Variants in MAST4 observed in about 807,000 individuals in gnomAD.
MAST4 encodes microtubule-associated serine/threonine-protein kinase 4.
MAST4 carries 89 observed loss-of-function variants against 162.7 expected under a neutral mutation model. The observed-to-expected ratio is 0.55, with a 90% CI of 0.46 to 0.65. The LOEUF is 0.65. MAST4 is among the 30% of genes least tolerant of loss of function. The pLI is 0.00. For missense variants in MAST4, 3,153 were observed against 3,374.0 expected, an observed-to-expected ratio of 0.93 and a Z score of 1.62; for synonymous variants, 1,479 against 1,361.1, an observed-to-expected ratio of 1.09 and a Z score of -1.91.
At chr5:66,908,966 C>G (rs71626461) in intron 4 of MAST4, among the ~76,000 whole-genome samples, 1,789 of 152,232 alleles carry the variant, frequency 0.012, 30 homozygotes, top group South Asian at 0.053. Context: ...TATGACAGTA[C>G]CTGGCATACA....
At chr5:66,994,254 AAACTTTTACCCAATTTTCTTTTATTTTCC>A (rs1750383121) in intron 4 of MAST4, among the ~76,000 whole-genome samples, 1 of 152,078 alleles carries the variant, frequency 6.6e-6, no homozygotes. Flanking sequence ...TACAGAGTGA[AAACTTTTACCCAATTTTCTTTTATTTTCC>A]AATTTTCCAA....
At chr5:66,736,673 A>G (rs1368636974) in intron 1 of MAST4, among the ~76,000 whole-genome samples, 2 of 152,238 alleles carry the variant, frequency 1.3e-5, no homozygotes, top group African/African-American at 4.8e-5. Context: ...ATTCAGGTAC[A>G]GTTAACAGTG....
At chr5:66,903,451 TG>T (rs1763140695) in intron 4 of MAST4, among the ~76,000 whole-genome samples, 1 of 151,864 alleles carries the variant, frequency 6.6e-6, no homozygotes, top group African/African-American at 2.4e-5. Flanking sequence ...TGTGTGTGTG[TG>T]TGTGTGTGTG....
At chr5:66,676,064 C>G (rs1317416072) in intron 1 of MAST4, among the ~76,000 whole-genome samples, 1 of 152,200 alleles carries the variant, frequency 6.6e-6, no homozygotes, top group Non-Finnish European at 1.5e-5. Flanking sequence ...GATTTTTGGA[C>G]ACACTCAAGA....
intron 4 of MAST4, among the ~76,000 whole-genome samples, chr5:66,942,801 T>C (rs2150108101): frequency 6.6e-6 from 1 of 152,210 alleles, no homozygotes; most frequent in East Asian, 1.9e-4. Context: ...CTTTGGAGGT[T>C]GACTTTCTTA....
At chr5:67,088,128 G>T (rs1253877697) in intron 5 of MAST4, among the ~76,000 whole-genome samples, 1 of 152,178 alleles carries the variant, frequency 6.6e-6, no homozygotes, top group Non-Finnish European at 1.5e-5. Flanking sequence ...AAAGTGAAAA[G>T]GGTTTTAAGT....
At position 67,166,247 on chromosome 5, in the gene MAST4, A is replaced by G. The variant is rs1773943222; in HGVS notation, c.7068A>G (p.Lys2356=). The change falls in exon 29 of 29, where the codon AAA becomes AAG. Residue 2356 remains lysine (K), a synonymous_variant. Coordinates refer to ENST00000403625, the MANE Select transcript of MAST4 (RefSeq NM_001164664.2). ...AGACAGACAACAGACAGACAGACAA[A>G]AGCCCGAGTCAGCCGGCCGCCAACA... ...CKQTDNRQTD[K]SPSQPAANTD... 6.4e-7 allele frequency: 1 copy of G among 1,552,576 alleles called. No homozygotes were observed. Among genetic ancestry groups the G allele is most frequent in the African/African-American group, 1.4e-5 (1 of 73,126 alleles).
intron 3 of MAST4, among the ~76,000 whole-genome samples, chr5:66,884,851 T>C (rs1043287500): frequency 6.6e-6 from 1 of 152,206 alleles, no homozygotes; most frequent in African/African-American, 2.4e-5. Context: ...TCACTAGTGG[T>C]AATCTCTTCT....
At chr5:66,699,845 T>C (rs1269452801) in intron 1 of MAST4, among the ~76,000 whole-genome samples, 3 of 151,824 alleles carry the variant, frequency 2.0e-5, no homozygotes, top group Admixed American at 1.3e-4. Flanking sequence ...GGTTGATGGG[T>C]GCAGCAAACC....
chr5:66,899,040 G>T (rs1762852105), intron 3 of MAST4, among the ~76,000 whole-genome samples: 1 of 152,202 alleles, frequency 6.6e-6, no homozygotes, highest in Admixed American at 6.5e-5. Flanking sequence ...AAAAATAAAT[G>T]AGAATTATGG....
chr5:66,766,657 G>A (rs1003405592), intron 2 of MAST4, among the ~76,000 whole-genome samples: 1 of 152,026 alleles, frequency 6.6e-6, no homozygotes, highest in African/African-American at 2.4e-5. Flanking sequence ...TTAGCTTAGT[G>A]GGCAAGCCTG....
chr5:66,797,212 A>C (rs1755693294), intron 3 of MAST4, among the ~76,000 whole-genome samples: 1 of 152,136 alleles, frequency 6.6e-6, no homozygotes. Flanking sequence ...AAACCAAGAA[A>C]CCCATAATAA....
At chr5:67,154,447 G>C (rs974330223) in intron 26 of MAST4, among the ~76,000 whole-genome samples, 1 of 152,150 alleles carries the variant, frequency 6.6e-6, no homozygotes, top group African/African-American at 2.4e-5. Context: ...GATCACTTTC[G>C]TGATTTATTT....
intron 1 of MAST4, among the ~76,000 whole-genome samples, chr5:66,635,212 A>G (rs922789922): frequency 3.9e-5 from 6 of 152,088 alleles, no homozygotes; most frequent in Non-Finnish European, 8.8e-5. Flanking sequence ...GCCATTTCCA[A>G]CCTTGCTGGT....
At chr5:67,106,455 A>G (rs929409791) in intron 10 of MAST4, among the ~76,000 whole-genome samples, 5 of 152,076 alleles carry the variant, frequency 3.3e-5, no homozygotes. Context: ...AACTCTGAGA[A>G]TACTAGACTC....
At chr5:67,039,177 A>G (rs1011933293) in intron 4 of MAST4, among the ~76,000 whole-genome samples, 9 of 152,228 alleles carry the variant, frequency 5.9e-5, no homozygotes, top group African/African-American at 2.2e-4. Flanking sequence ...GAAGTAAGCA[A>G]TAGAAGAGTT....
At chr5:67,076,925 A>C (rs1472878474) in intron 5 of MAST4, among the ~76,000 whole-genome samples, 1 of 152,200 alleles carries the variant, frequency 6.6e-6, no homozygotes, top group Non-Finnish European at 1.5e-5. Context: ...AGTAACTGTG[A>C]GGGGTGGTGC....
In MAST4 at chr5:66,925,577, A is replaced by G. The variant is rs73101954; in HGVS notation, c.674+25595A>G. ...TGTAGCCATTCTTAGCCAAGTTATG[A>G]TTTATAGAGTGATTTATTGATCATG... On this transcript the variant is annotated intron_variant, in intron 4 of 28. Coordinates refer to ENST00000403625, the MANE Select transcript of MAST4 (RefSeq NM_001164664.2). Among the ~76,000 whole-genome samples, 1,414 of 152,210 alleles carry G rather than the reference A, an allele frequency of 9.3e-3. 15 individuals are homozygous for G. The highest frequency in any genetic ancestry group is 0.031 in the African/African-American group (1,289 of 41,528).
rs567043336 is a variant in MAST4 at position 66,981,799 on chromosome 5, G to A, written c.675-72605G>A. Among the ~76,000 whole-genome samples, 8 of 152,258 alleles carry A rather than the reference G, an allele frequency of 5.3e-5. No individual in the cohort carries two copies. The South Asian group carries it at 8.3e-4, about 16-fold the overall frequency. ...ATTCTGAGGGCTGTAAAGTAGTATT[G>A]CTTCTGGAGGAGCATTAAAAACTCA... On this transcript the variant is annotated intron_variant, in intron 4 of 28. Transcript: ENST00000403625.
Sources: gnomAD v4.1 joint callset for allele counts (sites outside exome capture counted in the v4.1 genomes callset) on GRCh38, gnomAD v4.1.1 for gene constraint, MANE v1.5 for transcripts, NCBI Gene and HGNC (gene_info 2026-07-23, HGNC 2026-07-21) for gene names.